The following SUMF1 variants were observed in gnomAD, a reference collection of about 807,000 sequenced individuals.
The protein encoded by SUMF1 is formylglycine-generating enzyme.
A neutral mutation model predicts 47.6 loss-of-function variants in SUMF1; 48 were observed. That is an observed-to-expected ratio of 1.01 (90% CI 0.80 to 1.28). The LOEUF is 1.28. Among genes scored for constraint, SUMF1 ranks in the 50% most tolerant of loss-of-function variants. SUMF1 has a pLI of 0.00. For missense variants in SUMF1, 571 were observed against 485.4 expected (o/e 1.18, Z -1.66); for synonymous variants, 230 against 192.1 (o/e 1.20, Z -1.63).
intron 8 of SUMF1, chr3:4,303,534 CG>C: frequency 7.3e-7 from 1 of 1,370,692 alleles, no homozygotes; most frequent in African/African-American, 1.5e-5. Context: ...CAGGTAGGGG[CG>C]GGGCCAGGCG....
chr3:4,116,719 T>C (rs1010547828), intron 8 of SUMF1, among the ~76,000 whole-genome samples: 14 of 152,110 alleles, frequency 9.2e-5, no homozygotes, highest in African/African-American at 3.4e-4. Context: ...TCACTTCTTA[T>C]CTGGTATCTT....
chr3:4,341,973 G>C (rs1699281760), intron 8 of SUMF1, among the ~76,000 whole-genome samples: 1 of 152,142 alleles, frequency 6.6e-6, no homozygotes, highest in Admixed American at 6.5e-5. Context: ...TTATACTTTA[G>C]CACGAATCCA....
intron 8 of SUMF1, chr3:4,303,509 G>A (rs771323846): frequency 4.2e-6 from 6 of 1,440,780 alleles, no homozygotes; most frequent in East Asian, 6.1e-5. Flanking sequence ...CCCGGGGGCC[G>A]CGCCGGCGCC....
chr3:4,205,883 C>A (rs1444426441), intron 8 of SUMF1, among the ~76,000 whole-genome samples: 1 of 152,086 alleles, frequency 6.6e-6, no homozygotes, highest in Non-Finnish European at 1.5e-5. Flanking sequence ...TCTGAAGCCA[C>A]CATGGTACTG....
chr3:4,371,744 TCAG>T (rs1193751279), intron 8 of SUMF1, among the ~76,000 whole-genome samples: 3 of 152,158 alleles, frequency 2.0e-5, no homozygotes, highest in African/African-American at 7.2e-5. Context: ...CTTAATCCTC[TCAG>T]CAATCCTATG....
chr3:4,161,985 G>T (rs937313981), intron 8 of SUMF1, among the ~76,000 whole-genome samples: 1 of 152,122 alleles, frequency 6.6e-6, no homozygotes, highest in African/African-American at 2.4e-5. Context: ...TACCACTGCT[G>T]ATTTTTCAGG....
intron 8 of SUMF1, among the ~76,000 whole-genome samples, chr3:4,212,410 CA>C (rs1414979380): frequency 1.3e-5 from 2 of 152,078 alleles, no homozygotes; most frequent in Non-Finnish European, 2.9e-5. Flanking sequence ...ATCCGACGGT[CA>C]CCAACATCAA....
intron 8 of SUMF1, among the ~76,000 whole-genome samples, chr3:4,269,368 C>A (rs1697261052): frequency 6.6e-6 from 1 of 152,140 alleles, no homozygotes; most frequent in Non-Finnish European, 1.5e-5. Context: ...AATGTTTGCG[C>A]TTCATAATTC....
At chr3:4,460,257 G>A (rs747974512) in intron 1 of SUMF1, among the ~76,000 whole-genome samples, 23 of 152,220 alleles carry the variant, frequency 1.5e-4, no homozygotes, top group Non-Finnish European at 2.8e-4. Context: ...GGTTGTCTGA[G>A]GGGAAAGTTA....
chr3:4,454,031 C>T (rs769531059), intron 1 of SUMF1, among the ~76,000 whole-genome samples: 1 of 152,090 alleles, frequency 6.6e-6, no homozygotes, highest in Non-Finnish European at 1.5e-5. Flanking sequence ...TTTAAAAGCA[C>T]ATGTAAAAAT....
chr3:4,192,105 G>T (rs200517279), intron 8 of SUMF1, among the ~76,000 whole-genome samples: 1 of 152,126 alleles, frequency 6.6e-6, no homozygotes, highest in Non-Finnish European at 1.5e-5. Flanking sequence ...TACAGTCTGG[G>T]CTGAGCTTTG....
intron 8 of SUMF1, among the ~76,000 whole-genome samples, chr3:4,330,244 C>G (rs888607749): frequency 4.6e-5 from 7 of 152,232 alleles, no homozygotes; most frequent in African/African-American, 1.4e-4. Flanking sequence ...TCCAAAGTCT[C>G]TTCCACATTT....
intron 3 of SUMF1, among the ~76,000 whole-genome samples, chr3:4,430,681 G>A (rs1183550319): frequency 6.6e-6 from 1 of 152,074 alleles, no homozygotes; most frequent in African/African-American, 2.4e-5. Flanking sequence ...GTACATCATT[G>A]AGAAGGGAAG....
chr3:4,072,725 A>C (rs1692302030), intron 8 of SUMF1, among the ~76,000 whole-genome samples: 1 of 152,176 alleles, frequency 6.6e-6, no homozygotes, highest in African/African-American at 2.4e-5. Flanking sequence ...AGCAGAACAA[A>C]GGATATCAGT....
chr3:4,073,297 T>A (rs1023558317), intron 8 of SUMF1, among the ~76,000 whole-genome samples: 1 of 152,182 alleles, frequency 6.6e-6, no homozygotes, highest in Non-Finnish European at 1.5e-5. Context: ...AGAGATTTTG[T>A]CACCATCAGG....
chr3:4,422,782 A>G (rs1701943799), intron 3 of SUMF1, among the ~76,000 whole-genome samples: 1 of 151,930 alleles, frequency 6.6e-6, no homozygotes, highest in South Asian at 2.1e-4. Flanking sequence ...TTTTTTTAAA[A>G]AAAATTATGT....
intron 8 of SUMF1, among the ~76,000 whole-genome samples, chr3:4,327,813 G>T (rs896966656): frequency 2.6e-5 from 4 of 152,080 alleles, no homozygotes; most frequent in Admixed American, 6.5e-5. Context: ...TTTGATTTTG[G>T]AAAATGTGTT....
At chr3:4,198,574 C>G (rs1049721000) in intron 8 of SUMF1, among the ~76,000 whole-genome samples, 5 of 152,134 alleles carry the variant, frequency 3.3e-5, no homozygotes, top group African/African-American at 1.2e-4. Flanking sequence ...TGTAAACCCA[C>G]AACTGTAGCC....
At chr3:4,150,680 AG>A (rs1184557597) in intron 8 of SUMF1, among the ~76,000 whole-genome samples, 2 of 151,650 alleles carry the variant, frequency 1.3e-5, no homozygotes, top group Non-Finnish European at 2.9e-5. Context: ...CCACTATGCC[AG>A]GCTTCAACTT....
Sources: allele counts gnomAD v4.1 joint callset (sites outside exome capture counted in the v4.1 genomes callset), GRCh38; gene constraint gnomAD v4.1.1; transcripts MANE v1.5; gene names NCBI Gene and HGNC (gene_info 2026-07-23, HGNC 2026-07-21).